MYO1E: variants seen among roughly 807,000 people sequenced by gnomAD.
The protein encoded by MYO1E is myosin IE, also known as unconventional myosin-Ie.
A neutral mutation model predicts 151.1 loss-of-function variants in MYO1E; 68 were observed. The ratio of observed to expected loss-of-function variants is 0.45; its 90% CI spans 0.37 to 0.55. The LOEUF (loss-of-function observed/expected upper bound fraction) is 0.55, where lower values mean the gene tolerates loss of function less well. Among genes scored for constraint, MYO1E ranks in the 20% least tolerant of loss-of-function variants. MYO1E has a pLI of 0.00. For missense variants in MYO1E, 1,363 were observed against 1,389.3 expected, an observed-to-expected ratio of 0.98 and a Z score of 0.30; for synonymous variants, 601 against 501.7, an observed-to-expected ratio of 1.20 and a Z score of -2.64.
At chr15:59,262,213 A>AT (rs1490775195) in intron 2 of MYO1E, among the ~76,000 whole-genome samples, 31 of 151,502 alleles carry the variant, frequency 2.0e-4, no homozygotes, top group East Asian at 1.6e-3. Flanking sequence ...GTCTCCAAAA[A>AT]AAAAATAAAA....
At chr15:59,179,020 C>T (rs2079642658) in intron 18 of MYO1E, among the ~76,000 whole-genome samples, 1 of 152,236 alleles carries the variant, frequency 6.6e-6, no homozygotes, top group Non-Finnish European at 1.5e-5. Context: ...GGTCACGAGG[C>T]CCTTGGGATC....
chr15:59,272,425 G>C lies in MYO1E; in HGVS notation c.28C>G (p.His10Asp), dbSNP rs1414916047. ...TGCTTGACATTGTGGCTTTGCCAGT[G>C]GTACTGGTAGACACCTTTGCTTCCC... MGSKGVYQY[H>D]WQSHNVKHSG... Residue 10 changes from histidine (H) to aspartate (D), a missense_variant, in exon 2 of 28, where the codon CAC (histidine) becomes GAC (aspartate). Coordinates refer to ENST00000288235, the MANE Select transcript of MYO1E (RefSeq NM_004998.4). 6.2e-7 allele frequency: 1 copy of C among 1,614,140 alleles called. No individual in the cohort carries two copies.
Position 59,135,327 on chromosome 15 carries a change from C to T in MYO1E, c.*2053G>A, listed in dbSNP as rs1248259410. ...AATCAATCAGGAGGAAAAACAAAGGCTTGTCCCAGCCAGCCAGGGGCTTAT... is the reference window on the plus strand; with the variant it reads ...AATCAATCAGGAGGAAAAACAAAGGTTTGTCCCAGCCAGCCAGGGGCTTAT... On this transcript the variant is annotated 3_prime_UTR_variant, in exon 28 of 28. Transcript: ENST00000288235. 3.3e-5 allele frequency: 5 copies of T among 152,228 alleles called. No homozygotes were observed. The highest frequency in any genetic ancestry group is 7.3e-5 in the Non-Finnish European group (5 of 68,070). 9.4% of individuals were successfully genotyped at this position (152,228 alleles called of 1,614,324 possible).
intron 9 of MYO1E, among the ~76,000 whole-genome samples, chr15:59,222,128 A>G (rs1195647345): frequency 6.6e-6 from 1 of 152,266 alleles, no homozygotes; most frequent in Non-Finnish European, 1.5e-5. Flanking sequence ...ATCAGAAGTT[A>G]GCAGAACTTC....
chr15:59,251,397 C>G (rs1261181580), intron 4 of MYO1E, among the ~76,000 whole-genome samples: 1 of 152,110 alleles, frequency 6.6e-6, no homozygotes, highest in Non-Finnish European at 1.5e-5. Context: ...AAAAAAACAG[C>G]AGTAATAGGG....
rs567728374 is a variant in MYO1E, at chr15:59,211,541, A to C, written c.1276-941T>G. On this transcript the variant is annotated intron_variant, in intron 12 of 27. Transcript: ENST00000288235. ...TTATTTCTCTAGTCTATACCTCGCC[A>C]CGGGGTTCCAGACTCAAATCCATTC... Among the ~76,000 whole-genome samples, 18 of 152,266 alleles carry C rather than the reference A, an allele frequency of 1.2e-4. No individual in the cohort carries two copies. The South Asian group carries it at 3.7e-3, about 32-fold the overall frequency.
chr15:59,144,036 T>C (rs1039926642), intron 26 of MYO1E, among the ~76,000 whole-genome samples: 1 of 152,138 alleles, frequency 6.6e-6, no homozygotes, highest in African/African-American at 2.4e-5. Context: ...ATGTTGACAG[T>C]GTGTAGCAGG....
chr15:59,328,805 G>C (rs2080681970), intron 1 of MYO1E, among the ~76,000 whole-genome samples: 1 of 152,198 alleles, frequency 6.6e-6, no homozygotes, highest in Non-Finnish European at 1.5e-5. Context: ...ACACTGGTAA[G>C]TGAGTAGGTC....
intron 6 of MYO1E, 67 bp from the exon 7 acceptor site, chr15:59,227,657 G>C (rs2080000309): frequency 1.7e-5 from 26 of 1,569,354 alleles, no homozygotes; most frequent in Non-Finnish European, 2.3e-5. Flanking sequence ...AACAGGCTTT[G>C]AATACAGTAT....
chr15:59,367,800 C>T (rs1282475023), intron 1 of MYO1E, among the ~76,000 whole-genome samples: 1 of 152,082 alleles, frequency 6.6e-6, no homozygotes, highest in Non-Finnish European at 1.5e-5. Context: ...GTGTTTGGCC[C>T]CTCTGAGATG....
At chr15:59,310,230 C>T (rs867360925) in intron 1 of MYO1E, among the ~76,000 whole-genome samples, 7 of 152,196 alleles carry the variant, frequency 4.6e-5, no homozygotes, top group African/African-American at 1.7e-4. Context: ...AGCAAACCCA[C>T]TGCCCCCTTG....
rs899442151 is a variant in MYO1E, at chr15:59,372,850, C to T, written c.-350G>A. The T allele has an allele frequency of 2.0e-5, 8 of 400,060 alleles. No individual in the cohort carries two copies. Among genetic ancestry groups the T allele is most frequent in the South Asian group, 1.4e-4 (4 of 28,572 alleles). 24.8% of individuals were successfully genotyped at this position (400,060 alleles called of 1,614,324 possible). On this transcript the variant is annotated 5_prime_UTR_variant, in exon 1 of 28. Coordinates refer to ENST00000288235, the MANE Select transcript of MYO1E (RefSeq NM_004998.4). ...CTCCTCTTTCTTCGGCCACTTAATC[C>T]GTACTCCTCTGGCTGAGTCTCGGCT...
chr15:59,160,276 T>A (rs561753025), intron 24 of MYO1E, among the ~76,000 whole-genome samples: 2 of 151,894 alleles, frequency 1.3e-5, no homozygotes, highest in East Asian at 3.9e-4. Flanking sequence ...TTTATAAATA[T>A]CAATTATAAA....
chr15:59,207,896 T>C lies in MYO1E; in HGVS notation c.1530+785A>G, dbSNP rs78212587. On this transcript the variant is annotated intron_variant, in intron 14 of 27. Coordinates refer to ENST00000288235, the MANE Select transcript of MYO1E (RefSeq NM_004998.4). Reference sequence around the variant, plus strand: ...AGTATTTTGAAGAATCTTAGGAGAATACATCCAGTTTCCACCATAATTAAG... The same window carrying C: ...AGTATTTTGAAGAATCTTAGGAGAACACATCCAGTTTCCACCATAATTAAG... 7.5e-5 allele frequency: 121 copies of C among 1,614,188 alleles called. No homozygotes were observed. In the Middle Eastern group the frequency reaches 8.2e-4, roughly 11 times the overall value.
intron 25 of MYO1E, among the ~76,000 whole-genome samples, chr15:59,156,306 TC>T (rs1201673532): frequency 6.6e-6 from 1 of 152,244 alleles, no homozygotes; most frequent in African/African-American, 2.4e-5. Flanking sequence ...TGCCTCATCC[TC>T]CCCAGTAGCT....
chr15:59,200,919 A>G (rs1424173347), intron 16 of MYO1E, among the ~76,000 whole-genome samples: 3 of 152,206 alleles, frequency 2.0e-5, no homozygotes, highest in African/African-American at 7.2e-5. Context: ...GCCAGAGCTG[A>G]GATTCGAACA....
Position 59,274,115 on chromosome 15 carries a change from T to C in MYO1E, c.4-1666A>G, listed in dbSNP as rs567730810. Among the ~76,000 whole-genome samples the C allele has an allele frequency of 1.6e-4, 25 of 152,262 alleles. No individual in the cohort carries two copies. The South Asian group carries it at 5.2e-3, about 32-fold the overall frequency. ...GCTAAGAGCAAGTTCTAAGAAGCTC[T>C]GGGAAAAGCCATCTTTTAAAATCAG... On this transcript the variant is annotated intron_variant, in intron 1 of 27. Coordinates refer to ENST00000288235, the MANE Select transcript of MYO1E (RefSeq NM_004998.4).
intron 4 of MYO1E, among the ~76,000 whole-genome samples, chr15:59,255,556 A>G (rs2080189363): frequency 6.6e-6 from 1 of 152,132 alleles, no homozygotes; most frequent in Non-Finnish European, 1.5e-5. Flanking sequence ...CACCATGCCC[A>G]GCTAATTTTT....
chr15:59,143,375 C>T (rs2079422538), intron 26 of MYO1E, among the ~76,000 whole-genome samples: 1 of 152,122 alleles, frequency 6.6e-6, no homozygotes, highest in Non-Finnish European at 1.5e-5. Flanking sequence ...GAGGGAGGAC[C>T]TCTGCAGTTT....
Sources: allele counts gnomAD v4.1 joint callset (sites outside exome capture counted in the v4.1 genomes callset), GRCh38; gene constraint gnomAD v4.1.1; transcripts MANE v1.5; gene names NCBI Gene and HGNC (gene_info 2026-07-23, HGNC 2026-07-21).